The following SV2B variants were observed in gnomAD, a reference collection of about 807,000 sequenced individuals.
SV2B encodes solute carrier family 22 member B2.
In SV2B, 41 loss-of-function variants were observed where a neutral mutation model predicts 73.9. The observed-to-expected ratio is 0.56, with a 90% CI of 0.43 to 0.72. The LOEUF is 0.72. Among genes scored for constraint, SV2B ranks in the 30% least tolerant of loss-of-function variants. The probability of loss-of-function intolerance (pLI) is 0.00; values close to 1 mark genes in which losing one functional copy is unlikely to be tolerated. For missense variants in SV2B, 764 were observed against 857.8 expected, an observed-to-expected ratio of 0.89 and a Z score of 1.37; for synonymous variants, 314 against 314.2, an observed-to-expected ratio of 1.00 and a Z score of 0.01.
chr15:91,272,207 CAAGA>C (rs2048339593), intron 9 of SV2B, among the ~76,000 whole-genome samples: 1 of 152,150 alleles, frequency 6.6e-6, no homozygotes, highest in African/African-American at 2.4e-5. Context: ...TTGGAAAGTG[CAAGA>C]AAGGCAAAAG....
intron 1 of SV2B, among the ~76,000 whole-genome samples, chr15:91,179,844 C>G (rs2141309841): frequency 6.6e-6 from 1 of 152,132 alleles, no homozygotes; most frequent in Non-Finnish European, 1.5e-5. Flanking sequence ...GACTCTTTAT[C>G]CAATTTGCCA....
intron 1 of SV2B, among the ~76,000 whole-genome samples, chr15:91,112,641 A>G (rs183892004): frequency 6.6e-6 from 1 of 152,216 alleles, no homozygotes; most frequent in East Asian, 1.9e-4. Flanking sequence ...AGTTACCTGG[A>G]TTATATAGTT....
intron 6 of SV2B, among the ~76,000 whole-genome samples, chr15:91,266,244 C>T (rs1434622710): frequency 1.3e-5 from 2 of 152,182 alleles, no homozygotes; most frequent in African/African-American, 2.4e-5. Flanking sequence ...ACCTAGCCCT[C>T]GGGAAATGAT....
chr15:91,207,464 G>C (rs559025135), intron 1 of SV2B, among the ~76,000 whole-genome samples: 1 of 152,196 alleles, frequency 6.6e-6, no homozygotes, highest in Non-Finnish European at 1.5e-5. Flanking sequence ...AGGCCTGTGT[G>C]TGTGGTCTGT....
rs1428388893 is a variant in SV2B, at chr15:91,284,863, T to C, written c.1708+642T>C. Among the ~76,000 whole-genome samples, 1 of 152,210 alleles carries C rather than the reference T, an allele frequency of 6.6e-6. No homozygotes were observed. Among genetic ancestry groups the C allele is most frequent in the Non-Finnish European group, 1.5e-5 (1 of 68,038 alleles). Reference sequence around the variant, plus strand: ...CTATATTCATGTATGCCTTGCCTCATTCCATCGGGACTTGCAGCAATTTAT... The same window carrying C: ...CTATATTCATGTATGCCTTGCCTCACTCCATCGGGACTTGCAGCAATTTAT... On this transcript the variant is annotated intron_variant, in intron 11 of 12. Coordinates refer to ENST00000394232, the MANE Select transcript of SV2B (RefSeq NM_001323032.3). This position sits in a 1 kb window ranked among gnomAD's most constrained non-coding sequence, Gnocchi z 4.5.
chr15:91,155,171 G>A (rs1203386977), intron 1 of SV2B, among the ~76,000 whole-genome samples: 1 of 152,124 alleles, frequency 6.6e-6, no homozygotes, highest in Admixed American at 6.6e-5. Context: ...GAAAATAGAA[G>A]GCAGGAGCCC....
At chr15:91,178,472 A>G (rs1379415979) in intron 1 of SV2B, among the ~76,000 whole-genome samples, 1 of 152,128 alleles carries the variant, frequency 6.6e-6, no homozygotes, top group Non-Finnish European at 1.5e-5. Context: ...GAATGGTACC[A>G]GTTCCTCCTT....
intron 1 of SV2B, among the ~76,000 whole-genome samples, chr15:91,135,026 G>T (rs2042777767): frequency 6.8e-6 from 1 of 147,824 alleles, no homozygotes. Context: ...TTGAGACAGG[G>T]TCTTGCTCTG....
intron 12 of SV2B, among the ~76,000 whole-genome samples, 194 bp from the exon 13 acceptor site, chr15:91,292,175 G>C (rs2141816410): frequency 6.6e-6 from 1 of 151,078 alleles, no homozygotes; most frequent in East Asian, 1.9e-4. Flanking sequence ...TCGGTGAAGA[G>C]GTTAGATATC....
chr15:91,163,456 C>G (rs144330731), intron 1 of SV2B, among the ~76,000 whole-genome samples: 41,833 of 152,072 alleles, frequency 0.28, 6,456 homozygotes, highest in East Asian at 0.65. Flanking sequence ...GATCGCCATT[C>G]TAACTGGTGT....
chr15:91,257,900 G>T (rs575028756), intron 4 of SV2B, among the ~76,000 whole-genome samples: 2 of 152,170 alleles, frequency 1.3e-5, no homozygotes, highest in Admixed American at 1.3e-4. Flanking sequence ...GTGTGTCCAC[G>T]CATGTCTGCA....
rs1000212767 is a variant in SV2B, at chr15:91,295,742, T to A, written c.*3190T>A. ...TTACTATAATGAGAGGAAGCATCAGTTTAAACATAAAAAGATTAGTATTTA... is the reference window on the plus strand; with the variant it reads ...TTACTATAATGAGAGGAAGCATCAGATTAAACATAAAAAGATTAGTATTTA... On this transcript the variant is annotated 3_prime_UTR_variant, in exon 13 of 13. Coordinates refer to ENST00000394232, the MANE Select transcript of SV2B (RefSeq NM_001323032.3). 4 of 152,168 alleles carry A rather than the reference T, an allele frequency of 2.6e-5. No homozygotes were observed. The highest frequency in any genetic ancestry group is 2.6e-4 in the Admixed American group (4 of 15,274). 9.4% of individuals were successfully genotyped at this position (152,168 alleles called of 1,614,324 possible). A position where few individuals can be genotyped will look rare whatever the true frequency, so the allele number is the denominator to read the frequency against.
chr15:91,278,235 C>T (rs2048557160), intron 9 of SV2B, among the ~76,000 whole-genome samples: 1 of 152,176 alleles, frequency 6.6e-6, no homozygotes, highest in African/African-American at 2.4e-5. Context: ...GAGCCATCTT[C>T]TCAACACCCC....
chr15:91,216,682 G>T (rs527440694), intron 1 of SV2B, among the ~76,000 whole-genome samples: 110 of 151,778 alleles, frequency 7.2e-4, no homozygotes, highest in African/African-American at 2.5e-3. Context: ...TGTTGGTCAG[G>T]CTGGTCTCGA....
intron 2 of SV2B, among the ~76,000 whole-genome samples, chr15:91,230,244 TA>T (rs199512896): frequency 0.011 from 1,429 of 129,728 alleles, 9 homozygotes; most frequent in Non-Finnish European, 0.015. Flanking sequence ...TTGTCTCATT[TA>T]AAAAAAAAAA....
rs570600027 is a variant in SV2B, at chr15:91,242,383, A to T, written c.452-9436A>T. On this transcript the variant is annotated intron_variant, in intron 2 of 12. Coordinates refer to ENST00000394232, the MANE Select transcript of SV2B (RefSeq NM_001323032.3). The surrounding 1 kb of genome is among the most constrained non-coding windows in gnomAD (Gnocchi z 4.9). ...TTTAAAATGCATCCAGAATCCAGCC[A>T]CTTCTTACCACTTTCCTCTACCTAC... Among the ~76,000 whole-genome samples, 2 of 152,102 alleles carry T rather than the reference A, an allele frequency of 1.3e-5. No individual in the cohort carries two copies. Among genetic ancestry groups the T allele is most frequent in the African/African-American group, 4.8e-5 (2 of 41,502 alleles).
intron 1 of SV2B, among the ~76,000 whole-genome samples, chr15:91,113,195 T>G (rs1199547949): frequency 6.6e-6 from 1 of 152,178 alleles, no homozygotes; most frequent in African/African-American, 2.4e-5. Context: ...TGGCTTCATT[T>G]CCTCGTCCTC....
intron 1 of SV2B, among the ~76,000 whole-genome samples, chr15:91,147,965 C>CATTTT (rs2043194835): frequency 2.5e-5 from 1 of 39,260 alleles, no homozygotes; most frequent in African/African-American, 1.0e-4. Flanking sequence ...CCCCCCCCAA[C>CATTTT]TTTTTTTTTT....
chr15:91,123,702 T>A lies in SV2B; in HGVS notation c.-392+23339T>A, dbSNP rs148934335. 1.3e-4 allele frequency among the ~76,000 whole-genome samples: 20 copies of A among 152,292 alleles called. No individual in the cohort carries two copies. In the East Asian group the frequency reaches 3.7e-3, roughly 28 times the overall value. ...TCTGAAGAGTAGACGTGAGGAGCGG[T>A]AGAGTTGTGATGCAGGTCTTCGGAC... is the stretch of plus-strand genomic sequence containing the variant. On this transcript the variant is annotated intron_variant, in intron 1 of 12. Coordinates refer to ENST00000394232, the MANE Select transcript of SV2B (RefSeq NM_001323032.3). This position sits in a 1 kb window ranked among gnomAD's most constrained non-coding sequence, Gnocchi z 4.7.
Sources: gnomAD v4.1 joint callset for allele counts (sites outside exome capture counted in the v4.1 genomes callset) on GRCh38, gnomAD v4.1.1 for gene constraint, Gnocchi (gnomAD v3.1) non-coding constraint, MANE v1.5 for transcripts, NCBI Gene and HGNC (gene_info 2026-07-23, HGNC 2026-07-21) for gene names.